RFX2: variants seen among roughly 807,000 people sequenced by gnomAD.
The protein encoded by RFX2 is DNA-binding protein RFX2.
A neutral mutation model predicts 87.8 loss-of-function variants in RFX2; 20 were observed. The ratio of observed to expected loss-of-function variants is 0.23; its 90% CI spans 0.16 to 0.33. The LOEUF (loss-of-function observed/expected upper bound fraction) is 0.33. Ranked by LOEUF, RFX2 falls within the 10% of genes least tolerant of loss-of-function variation. RFX2 has a pLI of 1.00. For missense variants in RFX2, 767 were observed against 1,012.3 expected, an observed-to-expected ratio of 0.76 and a Z score of 3.29; for synonymous variants, 397 against 431.3, an observed-to-expected ratio of 0.92 and a Z score of 0.98.
rs370732190 is a variant in RFX2, at chr19:6,017,389, C to A, written c.598-1118G>T. On this transcript the variant is annotated intron_variant, in intron 6 of 17. Coordinates refer to ENST00000303657, the MANE Select transcript of RFX2 (RefSeq NM_000635.4). The surrounding 1 kb of genome is among the most constrained non-coding windows in gnomAD (Gnocchi z 4.1). The stretch of plus-strand genomic sequence containing the variant: ...CATGGACGCAAAGGTGGCCTGCCCA[C>A]CAACTGATGCCCTCACCCAGGTGCC... 3.3e-5 allele frequency among the ~76,000 whole-genome samples: 5 copies of A among 152,216 alleles called. No homozygotes were observed. Among genetic ancestry groups the A allele is most frequent in the African/African-American group, 1.2e-4 (5 of 41,452 alleles).
rs916620682 is a variant in RFX2 at position 6,083,483 on chromosome 19, A to G, written c.-9+26910T>C. 1.3e-5 allele frequency among the ~76,000 whole-genome samples: 2 copies of G among 151,358 alleles called. No individual in the cohort carries two copies. Among genetic ancestry groups the G allele is most frequent in the African/African-American group, 2.4e-5 (1 of 41,106 alleles). On this transcript the variant is annotated intron_variant, in intron 1 of 17. Transcript: ENST00000303657. The surrounding 1 kb of genome is among the most constrained non-coding windows in gnomAD (Gnocchi z 4.6). ...TTTAAAAACGCAAAAAATATTCTCAACTCGTGGAAACTAAAAACAAAAATA... is the reference window on the plus strand; with the variant it reads ...TTTAAAAACGCAAAAAATATTCTCAGCTCGTGGAAACTAAAAACAAAAATA...
rs185716532 is a variant in RFX2, at chr19:6,040,703, G to A, written c.261-462C>T. On this transcript the variant is annotated intron_variant, in intron 4 of 17. Coordinates refer to ENST00000303657, the MANE Select transcript of RFX2 (RefSeq NM_000635.4). This position sits in a 1 kb window ranked among gnomAD's most constrained non-coding sequence, Gnocchi z 6.1. ...GAGCCCAGGACTTTGAGGTTACAGTGAGCTGTGACTGCACCATTGCACTTT... is the reference window on the plus strand; with the variant it reads ...GAGCCCAGGACTTTGAGGTTACAGTAAGCTGTGACTGCACCATTGCACTTT... Among the ~76,000 whole-genome samples, 116 of 152,308 alleles carry A rather than the reference G, an allele frequency of 7.6e-4. No individual in the cohort carries two copies. Among genetic ancestry groups the A allele is most frequent in the African/African-American group, 2.7e-3 (113 of 41,572 alleles).
intron 4 of RFX2, among the ~76,000 whole-genome samples, chr19:6,041,386 C>T (rs1187971812): frequency 6.6e-6 from 1 of 152,166 alleles, no homozygotes; most frequent in Non-Finnish European, 1.5e-5. Flanking sequence ...GGACTCACGT[C>T]TAAAGTAAAG....
intron 5 of RFX2, among the ~76,000 whole-genome samples, chr19:6,037,800 G>A (rs1364366093): frequency 6.6e-6 from 1 of 152,064 alleles, no homozygotes; most frequent in African/African-American, 2.4e-5. Context: ...ACTTGTAAAG[G>A]GATAGGCAGA....
In RFX2 at chr19:6,047,732, A is replaced by C. The variant is rs2087214542; in HGVS notation, c.-8-228T>G. Among the ~76,000 whole-genome samples, 1 of 152,238 alleles carries C rather than the reference A, an allele frequency of 6.6e-6. No homozygotes were observed. The highest frequency in any genetic ancestry group is 2.4e-5 in the African/African-American group (1 of 41,462). ...AGAAAGTTTTCCAAATATAAAACCC[A>C]AAAAGGGCTCTGTCAGCGCACAATG... On this transcript the variant is annotated intron_variant, in intron 1 of 17. Coordinates refer to ENST00000303657, the MANE Select transcript of RFX2 (RefSeq NM_000635.4). The surrounding 1 kb of genome is among the most constrained non-coding windows in gnomAD (Gnocchi z 4.2).
At chr19:6,107,430 A>G (rs1361415672) in intron 1 of RFX2, among the ~76,000 whole-genome samples, 1 of 151,920 alleles carries the variant, frequency 6.6e-6, no homozygotes, top group Non-Finnish European at 1.5e-5. Flanking sequence ...TAGCCTGGCC[A>G]ACATAGTGAA....
At chr19:6,068,999 G>T (rs1419261912) in intron 1 of RFX2, among the ~76,000 whole-genome samples, 1 of 152,206 alleles carries the variant, frequency 6.6e-6, no homozygotes, top group African/African-American at 2.4e-5. Flanking sequence ...GAGTCAGCCA[G>T]ATCTGCTGAC....
At chr19:6,104,591 AG>A (rs1340651823) in intron 1 of RFX2, among the ~76,000 whole-genome samples, 2 of 151,140 alleles carry the variant, frequency 1.3e-5, no homozygotes, top group Non-Finnish European at 2.9e-5. Flanking sequence ...AAAATTTTTA[AG>A]GGCAGGGTGT....
In RFX2 at chr19:6,016,939, T is replaced by A. The variant is rs1311519418; in HGVS notation, c.598-668A>T. On this transcript the variant is annotated intron_variant, in intron 6 of 17. Transcript: ENST00000303657. This position sits in a 1 kb window ranked among gnomAD's most constrained non-coding sequence, Gnocchi z 5.4. ...CATACAGGAATGGAGAGAAATTCTG[T>A]TGCTGAACAGGAAGATTGAAGAAGA... Among the ~76,000 whole-genome samples the A allele has an allele frequency of 6.6e-6, 1 of 152,170 alleles. No individual in the cohort carries two copies. The highest frequency in any genetic ancestry group is 1.5e-5 in the Non-Finnish European group (1 of 68,034).
rs1195371158 is a variant in RFX2 at position 6,050,116 on chromosome 19, G to A, written c.-8-2612C>T. Among the ~76,000 whole-genome samples, 1 of 152,144 alleles carries A rather than the reference G, an allele frequency of 6.6e-6. No individual in the cohort carries two copies. Among genetic ancestry groups the A allele is most frequent in the Non-Finnish European group, 1.5e-5 (1 of 68,016 alleles). On this transcript the variant is annotated intron_variant, in intron 1 of 17. Transcript: ENST00000303657. This position sits in a 1 kb window ranked among gnomAD's most constrained non-coding sequence, Gnocchi z 4.6. ...ACAAAGGTGTGGGGGAGATACCAGG[G>A]GTCTTGGGGAAAAACCAGCAGTGCA...
chr19:6,058,771 A>G (rs2087385341), intron 1 of RFX2, among the ~76,000 whole-genome samples: 1 of 152,188 alleles, frequency 6.6e-6, no homozygotes, highest in Admixed American at 6.5e-5. Context: ...TTCTCTAGAA[A>G]AGGATCAGAA....
At position 6,017,426 on chromosome 19, in the gene RFX2, G is replaced by A. The variant is rs1197692519; in HGVS notation, c.598-1155C>T. ...CTCACCCAGGTGCCTTAAAGACTGC[G>A]GCTTAATTCTGGTTTCCACCTCTCC... On this transcript the variant is annotated intron_variant, in intron 6 of 17. Coordinates refer to ENST00000303657, the MANE Select transcript of RFX2 (RefSeq NM_000635.4). The surrounding 1 kb of genome is among the most constrained non-coding windows in gnomAD (Gnocchi z 4.1). Among the ~76,000 whole-genome samples, 1 of 152,182 alleles carries A rather than the reference G, an allele frequency of 6.6e-6. No homozygotes were observed. The highest frequency in any genetic ancestry group is 2.4e-5 in the African/African-American group (1 of 41,434).
intron 1 of RFX2, among the ~76,000 whole-genome samples, chr19:6,054,703 A>G (rs1197213945): frequency 1.3e-5 from 2 of 152,154 alleles, no homozygotes; most frequent in African/African-American, 4.8e-5. Flanking sequence ...CTTGACCCCT[A>G]CCTCACACCA....
rs2086654628 is a variant in RFX2 at position 6,011,137 on chromosome 19, T to TAAAA, written c.900-887_900-886insTTTT. On this transcript the variant is annotated intron_variant, in intron 8 of 17. Coordinates refer to ENST00000303657, the MANE Select transcript of RFX2 (RefSeq NM_000635.4). The surrounding 1 kb of genome is among the most constrained non-coding windows in gnomAD (Gnocchi z 4.8). ...GTCTCAAAAAAAATAAATAAATTAA[T>TAAAA]TAAAATAAAATAAAATAAAATAAAA... 2.0e-5 allele frequency among the ~76,000 whole-genome samples: 3 copies of TAAAA among 151,024 alleles called. No homozygotes were observed. Among genetic ancestry groups the TAAAA allele is most frequent in the African/African-American group, 7.4e-5 (3 of 40,682 alleles).
chr19:6,010,659 G>A lies in RFX2; in HGVS notation c.900-408C>T, dbSNP rs1228667324. Among the ~76,000 whole-genome samples, 4 of 152,172 alleles carry A rather than the reference G, an allele frequency of 2.6e-5. No homozygotes were observed. The highest frequency in any genetic ancestry group is 5.9e-5 in the Non-Finnish European group (4 of 68,042). On this transcript the variant is annotated intron_variant, in intron 8 of 17. Coordinates refer to ENST00000303657, the MANE Select transcript of RFX2 (RefSeq NM_000635.4). This position sits in a 1 kb window ranked among gnomAD's most constrained non-coding sequence, Gnocchi z 5.0. ...CCTTTTGCAACTGGTCTCTCTCACT[G>A]AGCGTTATGTCCTCAAGGTCCACCG...
Position 6,004,380 on chromosome 19 carries a change from C to T in RFX2, c.1403-82G>A, listed in dbSNP as rs964954698. On this transcript the variant is annotated intron_variant, in intron 12 of 17. Transcript: ENST00000303657. This position sits in a 1 kb window ranked among gnomAD's most constrained non-coding sequence, Gnocchi z 4.8. ...AATCAGCATTCAGTGTAAGAGCTGG[C>T]CCAAGTGCGATGAAAATGACCACCA... The T allele has an allele frequency of 3.9e-5, 45 of 1,161,394 alleles. No individual in the cohort carries two copies. In the South Asian group the frequency reaches 5.0e-4, roughly 13 times the overall value. The allele number at this position is 1,161,394 out of a possible 1,614,324, so 71.9% of individuals were successfully genotyped here.
At chr19:6,068,890 A>C (rs572011) in intron 1 of RFX2, among the ~76,000 whole-genome samples, 2,338 of 152,254 alleles carry the variant, frequency 0.015, 48 homozygotes, top group African/African-American at 0.053. Context: ...CAGAGAGAGC[A>C]ATCTGGAGGC....
At chr19:6,035,373 C>A (rs1011974657) in intron 5 of RFX2, among the ~76,000 whole-genome samples, 5 of 152,176 alleles carry the variant, frequency 3.3e-5, no homozygotes, top group Non-Finnish European at 7.3e-5. Flanking sequence ...AAGAATAAAA[C>A]TCCCACTTTA....
chr19:6,076,927 A>T (rs2087700829), intron 1 of RFX2: 1 of 152,202 alleles, frequency 6.6e-6, no homozygotes, highest in Non-Finnish European at 1.5e-5. Context: ...ATCTTGCCAA[A>T]TGTGGCAGCT....
Sources: gnomAD v4.1 joint callset for allele counts (sites outside exome capture counted in the v4.1 genomes callset) on GRCh38, gnomAD v4.1.1 for gene constraint, Gnocchi (gnomAD v3.1) non-coding constraint, MANE v1.5 for transcripts, NCBI Gene and HGNC (gene_info 2026-07-23, HGNC 2026-07-21) for gene names.